The following DYNC2H1 variants were observed in gnomAD, a reference collection of about 807,000 sequenced individuals.
The protein encoded by DYNC2H1 is cytoplasmic dynein 2 heavy chain 1.
In DYNC2H1, 410 loss-of-function variants were observed where a neutral mutation model predicts 570.0. The ratio of observed to expected loss-of-function variants is 0.72; its 90% CI spans 0.66 to 0.78. The LOEUF (loss-of-function observed/expected upper bound fraction) is 0.78. DYNC2H1 is among the 30% of genes least tolerant of loss of function. The pLI is 0.00. For missense variants in DYNC2H1, 4,865 were observed against 5,046.4 expected, an observed-to-expected ratio of 0.96 and a Z score of 1.09; for synonymous variants, 1,688 against 1,677.6, an observed-to-expected ratio of 1.01 and a Z score of -0.15.
Position 103,321,297 on chromosome 11 carries a change from A to C in DYNC2H1, c.11934+60A>C, listed in dbSNP as rs12292668. Reference sequence around the variant, plus strand: ...GGTAGATACGTGAATCATTTCTTACATTGTTAAATACATGTTACTTCTTTT... The same window carrying C: ...GGTAGATACGTGAATCATTTCTTACCTTGTTAAATACATGTTACTTCTTTT... On this transcript the variant is annotated intron_variant, in intron 81 of 88. Transcript: ENST00000375735. The C allele has an allele frequency of 6.4e-3, 8,857 of 1,394,560 alleles. 444 individuals carry two copies. In the African/African-American group the frequency reaches 0.11, roughly 17 times the overall value. The allele number at this position is 1,394,560 out of a possible 1,614,324, so 86.4% of individuals were successfully genotyped here. A position where few individuals can be genotyped will look rare whatever the true frequency, so the allele number is the denominator to read the frequency against.
At chr11:103,161,391 A>G (rs1295158806) in intron 29 of DYNC2H1, among the ~76,000 whole-genome samples, 1 of 152,144 alleles carries the variant, frequency 6.6e-6, no homozygotes, top group Non-Finnish European at 1.5e-5. Flanking sequence ...CAGGTGGAGT[A>G]TGTCTTATCC....
At chr11:103,278,755 C>T (rs1267087160) in intron 70 of DYNC2H1, among the ~76,000 whole-genome samples, 2 of 152,110 alleles carry the variant, frequency 1.3e-5, no homozygotes, top group Admixed American at 1.3e-4. Context: ...TTAGTAGAGA[C>T]AGATTTTCAC....
At chr11:103,278,239 A>C (rs1434809387) in intron 70 of DYNC2H1, among the ~76,000 whole-genome samples, 1 of 152,180 alleles carries the variant, frequency 6.6e-6, no homozygotes, top group Non-Finnish European at 1.5e-5. Context: ...ATTGTGTTCC[A>C]TAGACAAAAA....
At chr11:103,395,000 CCA>C (rs991309245) in intron 83 of DYNC2H1, among the ~76,000 whole-genome samples, 11 of 152,028 alleles carry the variant, frequency 7.2e-5, no homozygotes, top group Admixed American at 3.9e-4. Flanking sequence ...CCTCCTCTTT[CCA>C]CAGTTTTGCC....
At chr11:103,344,906 G>A (rs968900950) in intron 82 of DYNC2H1, among the ~76,000 whole-genome samples, 8 of 151,998 alleles carry the variant, frequency 5.3e-5, no homozygotes, top group African/African-American at 9.7e-5. Context: ...AACTTGCATC[G>A]ACTTATGTGA....
At chr11:103,304,474 A>T (rs1357923415) in intron 76 of DYNC2H1, 121 bp from the exon 77 acceptor site, 2 of 1,108,264 alleles carry the variant, frequency 1.8e-6, no homozygotes, top group Non-Finnish European at 2.4e-6. Context: ...TCTTCTTCCA[A>T]ATTTATTATT....
intron 82 of DYNC2H1, among the ~76,000 whole-genome samples, chr11:103,355,491 A>G (rs1034062865): frequency 2.0e-5 from 3 of 152,166 alleles, no homozygotes; most frequent in Non-Finnish European, 2.9e-5. Flanking sequence ...TTCTGTTCCT[A>G]TAGAGTTGGT....
At chr11:103,388,613 C>A (rs1172119146) in intron 83 of DYNC2H1, among the ~76,000 whole-genome samples, 2 of 152,096 alleles carry the variant, frequency 1.3e-5, no homozygotes, top group African/African-American at 4.8e-5. Context: ...CAGTTTTTGC[C>A]CATTCAGTAT....
rs1354748317 is a variant in DYNC2H1, at chr11:103,275,675, G to GT, written c.10696-4666dup. 4.6e-5 allele frequency among the ~76,000 whole-genome samples: 7 copies of GT among 151,788 alleles called. No individual in the cohort carries two copies. The highest frequency in any genetic ancestry group is 7.4e-5 in the Non-Finnish European group (5 of 67,954). On this transcript the variant is annotated intron_variant, in intron 70 of 88. Coordinates refer to ENST00000375735, the MANE Select transcript of DYNC2H1 (RefSeq NM_001377.3). The surrounding 1 kb of genome is among the most constrained non-coding windows in gnomAD (Gnocchi z 4.8). Reference sequence around the variant, plus strand: ...TATTGTACGTTTAAGGTTCTTTCATGTTTTTTTCATGGTGTAATATCTCAT... The same window carrying GT: ...TATTGTACGTTTAAGGTTCTTTCATGTTTTTTTTCATGGTGTAATATCTCAT...
intron 88 of DYNC2H1, among the ~76,000 whole-genome samples, chr11:103,474,295 C>T (rs1945483065): frequency 6.6e-6 from 1 of 152,168 alleles, no homozygotes; most frequent in African/African-American, 2.4e-5. Context: ...CTTGTACATA[C>T]ATTAGAACTC....
Position 103,121,066 on chromosome 11 carries a change from T to C in DYNC2H1, c.1360+30T>C, listed in dbSNP as rs181578211. The C allele has an allele frequency of 1.3e-4, 180 of 1,368,712 alleles. No individual in the cohort carries two copies. The Middle Eastern group carries it at 4.2e-3, about 32-fold the overall frequency. 84.8% of individuals were successfully genotyped at this position (1,368,712 alleles called of 1,614,324 possible). ...AAGTTTATGAGATTATAGTGTTTGC[T>C]TGAGAGAATATTTTTGTATATTACT... On this transcript the variant is annotated intron_variant, in intron 9 of 88. Coordinates refer to ENST00000375735, the MANE Select transcript of DYNC2H1 (RefSeq NM_001377.3).
intron 80 of DYNC2H1, among the ~76,000 whole-genome samples, chr11:103,318,068 A>G (rs546044715): frequency 1.2e-4 from 19 of 152,280 alleles, no homozygotes; most frequent in African/African-American, 4.6e-4. Context: ...GTCTTTGGCA[A>G]AAGGATAAGG....
chr11:103,377,088 A>G (rs2671379), intron 83 of DYNC2H1, among the ~76,000 whole-genome samples: 103,071 of 152,092 alleles, frequency 0.68, 35,003 homozygotes, highest in Admixed American at 0.73. Flanking sequence ...ATTGAAATGT[A>G]GAACTTTTGG....
chr11:103,312,552 AAAAAAAAAAAAAAAC>A (rs1164238315), intron 79 of DYNC2H1, among the ~76,000 whole-genome samples: 2 of 131,872 alleles, frequency 1.5e-5, no homozygotes, highest in Admixed American at 8.6e-5. Flanking sequence ...AAAAAAAAAA[AAAAAAAAAAAAAAAC>A]CAATTGTAAT....
intron 87 of DYNC2H1, among the ~76,000 whole-genome samples, chr11:103,459,123 A>C (rs949991286): frequency 2.7e-4 from 40 of 149,676 alleles, no homozygotes; most frequent in African/African-American, 8.8e-4. Flanking sequence ...TCCCGGCTAA[A>C]ACGGTGAAAC....
intron 6 of DYNC2H1, among the ~76,000 whole-genome samples, chr11:103,119,156 G>A (rs1383548169): frequency 6.6e-6 from 1 of 152,128 alleles, no homozygotes; most frequent in Non-Finnish European, 1.5e-5. Flanking sequence ...GTCATAGTAA[G>A]TTCCATTGGC....
At position 103,199,027 on chromosome 11, in the gene DYNC2H1, A is replaced by G. The variant is rs1862612597; in HGVS notation, c.7840-201A>G. On this transcript the variant is annotated intron_variant, in intron 48 of 88. Transcript: ENST00000375735. The surrounding 1 kb of genome is among the most constrained non-coding windows in gnomAD (Gnocchi z 4.6). ...TCACGGACCCTTGAACTTGTTTGAC[A>G]TGAGTTTTTCCTTAGAGAATGCCAA... Among the ~76,000 whole-genome samples, 1 of 152,178 alleles carries G rather than the reference A, an allele frequency of 6.6e-6. No homozygotes were observed. Among genetic ancestry groups the G allele is most frequent in the Non-Finnish European group, 1.5e-5 (1 of 68,022 alleles).
At chr11:103,160,779 A>G (rs1172900706) in intron 28 of DYNC2H1, among the ~76,000 whole-genome samples, 153 bp from the exon 29 acceptor site, 1 of 152,032 alleles carries the variant, frequency 6.6e-6, no homozygotes, top group Non-Finnish European at 1.5e-5. Flanking sequence ...TAGGACATTT[A>G]AACACTAGGA....
intron 47 of DYNC2H1, among the ~76,000 whole-genome samples, chr11:103,193,926 T>G (rs1227700965): frequency 6.6e-6 from 1 of 152,206 alleles, no homozygotes; most frequent in African/African-American, 2.4e-5. Flanking sequence ...AAGATAAGCT[T>G]ATTAAGAAAA....
Sources: allele counts gnomAD v4.1 joint callset (sites outside exome capture counted in the v4.1 genomes callset), GRCh38; gene constraint gnomAD v4.1.1; non-coding constraint Gnocchi (gnomAD v3.1); transcripts MANE v1.5; gene names NCBI Gene and HGNC (gene_info 2026-07-23, HGNC 2026-07-21).